KCNIP1: variants seen among roughly 807,000 people sequenced by gnomAD.
The protein encoded by KCNIP1 is A-type potassium channel modulatory protein KCNIP1.
KCNIP1 carries 18 observed loss-of-function variants against 33.0 expected under a neutral mutation model. That is an observed-to-expected ratio of 0.55 (90% CI 0.38 to 0.81). The LOEUF (loss-of-function observed/expected upper bound fraction) is 0.81, where lower values mean the gene tolerates loss of function less well. KCNIP1 is among the 30% of genes least tolerant of loss of function. The probability of loss-of-function intolerance (pLI) is 0.00; values close to 1 mark genes in which losing one functional copy is unlikely to be tolerated. For synonymous variants in KCNIP1, 93 were observed against 98.3 expected (o/e 0.95, Z 0.32); for missense variants, 238 against 271.6 (o/e 0.88, Z 0.87).
intron 1 of KCNIP1, among the ~76,000 whole-genome samples, chr5:170,634,255 T>C (rs925252533): frequency 5.9e-5 from 9 of 152,106 alleles, no homozygotes; most frequent in African/African-American, 2.2e-4. Context: ...CTGGGAGATA[T>C]CTAAGTGGAG....
intron 1 of KCNIP1, among the ~76,000 whole-genome samples, chr5:170,398,436 G>A (rs1002851875): frequency 2.6e-5 from 4 of 152,176 alleles, no homozygotes; most frequent in Middle Eastern, 3.2e-3. Flanking sequence ...TGGTAGAGGA[G>A]ACTGGTTAAT....
chr5:170,707,413 G>A (rs920731018), intron 1 of KCNIP1, among the ~76,000 whole-genome samples: 3 of 152,078 alleles, frequency 2.0e-5, no homozygotes, highest in African/African-American at 7.2e-5. Flanking sequence ...CTCTAGTGCT[G>A]GAATCTAGAT....
At chr5:170,374,317 G>T (rs752586294) in intron 1 of KCNIP1, among the ~76,000 whole-genome samples, 1 of 152,168 alleles carries the variant, frequency 6.6e-6, no homozygotes, top group Non-Finnish European at 1.5e-5. Flanking sequence ...AGGGAGAATG[G>T]CAAGAAGACA....
intron 1 of KCNIP1, among the ~76,000 whole-genome samples, chr5:170,529,435 G>A (rs555538870): frequency 2.5e-4 from 38 of 152,284 alleles, no homozygotes; most frequent in African/African-American, 8.9e-4. Context: ...CTTAACAACC[G>A]AATGGACTGT....
At chr5:170,584,297 G>A (rs188850757) in intron 1 of KCNIP1, among the ~76,000 whole-genome samples, 122 of 152,312 alleles carry the variant, frequency 8.0e-4, no homozygotes, top group African/African-American at 2.8e-3. Context: ...ATAGATAAAT[G>A]AATGCAGAAA....
chr5:170,482,786 TATA>T (rs1757004215), intron 1 of KCNIP1, among the ~76,000 whole-genome samples: 1 of 152,162 alleles, frequency 6.6e-6, no homozygotes, highest in Admixed American at 6.5e-5. Context: ...GCTCCAAAAT[TATA>T]ATAACTTCCA....
At chr5:170,638,055 T>C (rs570320619) in intron 1 of KCNIP1, among the ~76,000 whole-genome samples, 1 of 150,572 alleles carries the variant, frequency 6.6e-6, no homozygotes, top group African/African-American at 2.4e-5. Context: ...GTGGGGATGT[T>C]CCAAGATCTC....
At chr5:170,586,972 A>G (rs1758010993) in intron 1 of KCNIP1, among the ~76,000 whole-genome samples, 1 of 152,218 alleles carries the variant, frequency 6.6e-6, no homozygotes, top group Non-Finnish European at 1.5e-5. Flanking sequence ...TGGGGAAGAC[A>G]GATATATAGG....
intron 1 of KCNIP1, among the ~76,000 whole-genome samples, chr5:170,566,192 C>T (rs1285265304): frequency 1.3e-5 from 2 of 152,056 alleles, no homozygotes; most frequent in African/African-American, 2.4e-5. Flanking sequence ...TCCCGAGTAG[C>T]TGGGATTACA....
At chr5:170,461,757 A>T (rs1756505879) in intron 1 of KCNIP1, among the ~76,000 whole-genome samples, 1 of 152,148 alleles carries the variant, frequency 6.6e-6, no homozygotes, top group East Asian at 1.9e-4. Context: ...CTCAAAAAAA[A>T]AAAAAGGCAA....
intron 1 of KCNIP1, among the ~76,000 whole-genome samples, chr5:170,656,997 T>TC (rs70979195): frequency 9.3e-5 from 4 of 43,108 alleles, no homozygotes; most frequent in African/African-American, 3.0e-4. Context: ...TCTTTCTTTC[T>TC]TTTTTTTTTT....
intron 1 of KCNIP1, among the ~76,000 whole-genome samples, chr5:170,662,490 G>A (rs534511464): frequency 6.6e-6 from 1 of 152,290 alleles, no homozygotes; most frequent in African/African-American, 2.4e-5. Flanking sequence ...TCCAGGAGAT[G>A]CTAATCTCTC....
At chr5:170,544,887 T>C (rs1179687896) in intron 1 of KCNIP1, among the ~76,000 whole-genome samples, 2 of 152,236 alleles carry the variant, frequency 1.3e-5, no homozygotes, top group Admixed American at 1.3e-4. Context: ...TCTGCATAGT[T>C]ATAAATCTGA....
At chr5:170,668,733 CAG>C (rs1761805459) in intron 1 of KCNIP1, among the ~76,000 whole-genome samples, 4 of 152,188 alleles carry the variant, frequency 2.6e-5, no homozygotes, top group Admixed American at 2.6e-4. Flanking sequence ...GTATTATCCA[CAG>C]ATTCTGATGC....
At chr5:170,657,395 G>T (rs1761313904) in intron 1 of KCNIP1, among the ~76,000 whole-genome samples, 1 of 152,158 alleles carries the variant, frequency 6.6e-6, no homozygotes, top group Non-Finnish European at 1.5e-5. Context: ...CTGATTTCAA[G>T]TCCCAGCCCT....
In KCNIP1 at chr5:170,372,273, C is replaced by A. The variant is rs574512233; in HGVS notation, c.88+18309C>A. 3.0e-4 allele frequency among the ~76,000 whole-genome samples: 45 copies of A among 152,264 alleles called. No homozygotes were observed. The South Asian group carries it at 3.1e-3, about 11-fold the overall frequency. On this transcript the variant is annotated intron_variant, in intron 1 of 7. Transcript: ENST00000377360. Reference sequence around the variant, plus strand: ...AGGCAGACGGAAGAGACACACAGGGCAAGGTATGAGGGATGCAGGGTGGAG... The same window carrying A: ...AGGCAGACGGAAGAGACACACAGGGAAAGGTATGAGGGATGCAGGGTGGAG...
At chr5:170,447,509 C>T (rs184586804) in intron 1 of KCNIP1, among the ~76,000 whole-genome samples, 1 of 152,120 alleles carries the variant, frequency 6.6e-6, no homozygotes, top group Admixed American at 6.5e-5. Context: ...AATTAGGAAC[C>T]ACACAGGACC....
intron 1 of KCNIP1, among the ~76,000 whole-genome samples, chr5:170,449,148 A>C (rs966205065): frequency 6.6e-6 from 1 of 152,196 alleles, no homozygotes; most frequent in African/African-American, 2.4e-5. Context: ...AGAGGTAGTG[A>C]GTTGGTTCAT....
At chr5:170,388,219 A>G (rs1433704111) in intron 1 of KCNIP1, among the ~76,000 whole-genome samples, 1 of 152,224 alleles carries the variant, frequency 6.6e-6, no homozygotes, top group Non-Finnish European at 1.5e-5. Flanking sequence ...CCCGTCTCTA[A>G]TGGTCTGATG....
Sources: gnomAD v4.1 joint callset for allele counts (sites outside exome capture counted in the v4.1 genomes callset) on GRCh38, gnomAD v4.1.1 for gene constraint, MANE v1.5 for transcripts, NCBI Gene and HGNC (gene_info 2026-07-23, HGNC 2026-07-21) for gene names.